TCAIM: variants seen among roughly 807,000 people sequenced by gnomAD.
TCAIM encodes T cell activation inhibitor, mitochondrial.
TCAIM carries 36 observed loss-of-function variants against 58.6 expected under a neutral mutation model. That is an observed-to-expected ratio of 0.61 (90% CI 0.47 to 0.81). TCAIM has a LOEUF of 0.81. Among genes scored for constraint, TCAIM ranks in the 30% least tolerant of loss-of-function variants. The probability of loss-of-function intolerance (pLI) is 0.00; values close to 1 mark genes in which losing one functional copy is unlikely to be tolerated. For synonymous variants in TCAIM, 172 were observed against 193.6 expected (o/e 0.89, Z 0.93); for missense variants, 466 against 579.6 (o/e 0.80, Z 2.01).
chr3:44,365,626 C>G (rs1701362115), intron 4 of TCAIM, among the ~76,000 whole-genome samples: 1 of 152,132 alleles, frequency 6.6e-6, no homozygotes, highest in Admixed American at 6.5e-5. Flanking sequence ...CTGCCCCGGC[C>G]TCATACGTGA....
rs143382247 is a variant in TCAIM at position 44,361,449 on chromosome 3, C to T, written c.250C>T (p.Gln84Ter). Residue 84 changes from glutamine to a stop codon, truncating the protein, a stop_gained, in exon 4 of 11, where the codon CAG becomes TAG. Transcript: ENST00000342649. LOFTEE classifies it high-confidence loss of function. ...AGGCTTCAAGTCTTTGAAACCAACT[C>T]AGCTTACATTTTATGTAAGAGAAAC... ...KPGFKSLKPTQLTFYVRETDQ... is the reference protein window; with the variant it reads ...KPGFKSLKPT 1 of 1,612,860 alleles carries T rather than the reference C, an allele frequency of 6.2e-7. No individual in the cohort carries two copies. The highest frequency in any genetic ancestry group is 1.3e-5 in the African/African-American group (1 of 74,894).
Position 44,361,466 on chromosome 3 carries a change from A to G in TCAIM, c.267A>G (p.Val89=), listed in dbSNP as rs1287250549. Residue 89 remains valine (V), a synonymous_variant, in exon 4 of 11, where the codon GTA becomes GTG. Transcript: ENST00000342649. ...AACCAACTCAGCTTACATTTTATGT[A>G]AGAGAAACAGACCAGAGTTCCTCCG... ...SLKPTQLTFY[V]RETDQSSSDG... 6.2e-7 allele frequency: 1 copy of G among 1,612,216 alleles called. No homozygotes were observed. Among genetic ancestry groups the G allele is most frequent in the Non-Finnish European group, 8.5e-7 (1 of 1,179,236 alleles).
chr3:44,376,566 A>G (rs372827465), intron 5 of TCAIM, among the ~76,000 whole-genome samples: 1 of 152,302 alleles, frequency 6.6e-6, no homozygotes, highest in South Asian at 2.1e-4. Context: ...ACTAAAGAAT[A>G]TACACAAAAG....
intron 5 of TCAIM, among the ~76,000 whole-genome samples, chr3:44,378,015 C>T (rs1448509852): frequency 1.3e-5 from 2 of 152,158 alleles, no homozygotes; most frequent in Non-Finnish European, 2.9e-5. Flanking sequence ...AGACAACCTA[C>T]AGAATGGGAG....
chr3:44,359,957 C>A (rs185045411), intron 3 of TCAIM, among the ~76,000 whole-genome samples: 360 of 152,196 alleles, frequency 2.4e-3, no homozygotes, highest in Non-Finnish European at 4.0e-3. Flanking sequence ...TCCTTTGTGT[C>A]AAGCCCTTGC....
intron 4 of TCAIM, among the ~76,000 whole-genome samples, chr3:44,363,915 T>A (rs932073879): frequency 5.8e-5 from 8 of 138,480 alleles, no homozygotes; most frequent in African/African-American, 2.1e-4. Context: ...ACACAGCAAG[T>A]CTGTCTTTTT....
At position 44,401,173 on chromosome 3, in the gene TCAIM, G is replaced by A; in HGVS notation, c.1119-30G>A. Reference sequence around the variant, plus strand: ...GGTGGGGGAGAGGAGAGGGTCAGTGGTTTTTCCTTTAATGTATATTTTATT... The same window carrying A: ...GGTGGGGGAGAGGAGAGGGTCAGTGATTTTTCCTTTAATGTATATTTTATT... On this transcript the variant is annotated intron_variant, in intron 9 of 10. Transcript: ENST00000342649. The A allele has an allele frequency of 1.9e-6, 3 of 1,609,958 alleles. 1 individual carries two copies. In the South Asian group the frequency reaches 3.3e-5, roughly 18 times the overall value.
intron 4 of TCAIM, chr3:44,362,643 T>C (rs901288457): frequency 5.3e-6 from 2 of 377,268 alleles, no homozygotes; most frequent in African/African-American, 4.2e-5. Context: ...AGCCCTATTC[T>C]TCAATATTTA....
chr3:44,399,113 T>C (rs1286526548), intron 8 of TCAIM, among the ~76,000 whole-genome samples: 2 of 152,290 alleles, frequency 1.3e-5, no homozygotes, highest in African/African-American at 4.8e-5. Flanking sequence ...TGTACACATA[T>C]AATAAAATGA....
rs904816790 is a variant in TCAIM, at chr3:44,378,387, A to AC, written c.572+10686dup. Among the ~76,000 whole-genome samples the AC allele has an allele frequency of 4.7e-5, 7 of 149,674 alleles. No individual in the cohort carries two copies. In the East Asian group the frequency reaches 5.9e-4, roughly 13 times the overall value. On this transcript the variant is annotated intron_variant, in intron 5 of 10. Transcript: ENST00000342649. ...AGAGTGAGACTCTGTCCCCAACCCTACCCCCCCAAAAAAAAAATTTTACAA... is the reference window on the plus strand; with the variant it reads ...AGAGTGAGACTCTGTCCCCAACCCTACCCCCCCCAAAAAAAAAATTTTACAA...
intron 10 of TCAIM, among the ~76,000 whole-genome samples, chr3:44,402,622 C>A (rs1042270210): frequency 6.6e-6 from 1 of 152,016 alleles, no homozygotes; most frequent in Non-Finnish European, 1.5e-5. Context: ...GAGATCAATG[C>A]CATTGATAGA....
At chr3:44,368,447 G>T (rs531114542) in intron 5 of TCAIM, among the ~76,000 whole-genome samples, 1 of 152,270 alleles carries the variant, frequency 6.6e-6, no homozygotes, top group South Asian at 2.1e-4. Context: ...TATACTAAGG[G>T]ATTCCTCCTT....
At chr3:44,400,218 A>G in intron 8 of TCAIM, 137 bp from the exon 9 acceptor site, 1 of 664,200 alleles carries the variant, frequency 1.5e-6, no homozygotes, top group South Asian at 2.2e-5. Context: ...AAGTTTTTTT[A>G]TCTCTTACTT....
intron 3 of TCAIM, among the ~76,000 whole-genome samples, chr3:44,361,054 A>G (rs746864437): frequency 3.9e-5 from 6 of 152,222 alleles, no homozygotes; most frequent in Non-Finnish European, 8.8e-5. Flanking sequence ...TAAACAAACA[A>G]TCATTTATTA....
chr3:44,372,422 G>A (rs1405897596), intron 5 of TCAIM, among the ~76,000 whole-genome samples: 2 of 152,014 alleles, frequency 1.3e-5, no homozygotes, highest in Non-Finnish European at 1.5e-5. Flanking sequence ...TTTTATTCAT[G>A]TATTGTTTAA....
intron 10 of TCAIM, among the ~76,000 whole-genome samples, chr3:44,405,866 C>A (rs1410532126): frequency 1.3e-5 from 2 of 149,740 alleles, no homozygotes; most frequent in Non-Finnish European, 3.0e-5. Context: ...GCAGGAGAAT[C>A]GCTTGAACCT....
chr3:44,343,100 G>A (rs754689674), intron 1 of TCAIM, among the ~76,000 whole-genome samples: 4 of 151,740 alleles, frequency 2.6e-5, no homozygotes, highest in African/African-American at 4.9e-5. Context: ...TCATGCCACT[G>A]CACTATAGCG....
At chr3:44,362,021 C>G (rs1350977390) in intron 4 of TCAIM, among the ~76,000 whole-genome samples, 1 of 152,166 alleles carries the variant, frequency 6.6e-6, no homozygotes, top group African/African-American at 2.4e-5. Flanking sequence ...TACCTTTTGT[C>G]ACTGCTTATC....
chr3:44,375,636 T>C (rs1292521720), intron 5 of TCAIM, among the ~76,000 whole-genome samples: 1 of 152,122 alleles, frequency 6.6e-6, no homozygotes, highest in East Asian at 1.9e-4. Context: ...CAGGCCAAGG[T>C]CAAACAGACA....
Sources: gnomAD v4.1 joint callset for allele counts (sites outside exome capture counted in the v4.1 genomes callset) on GRCh38, gnomAD v4.1.1 for gene constraint, MANE v1.5 for transcripts, NCBI Gene and HGNC (gene_info 2026-07-23, HGNC 2026-07-21) for gene names.